Variants in ASIC2 observed in about 807,000 individuals in gnomAD.
ASIC2 encodes acid sensing ion channel subunit 2, also known as acid-sensing ion channel 2.
Under a neutral mutation model 57.3 loss-of-function variants are expected in ASIC2, and 25 were observed. The observed-to-expected ratio is 0.44, with a 90% CI of 0.32 to 0.61. The LOEUF (loss-of-function observed/expected upper bound fraction) is 0.61. ASIC2 is among the 20% of genes least tolerant of loss of function. ASIC2 has a pLI of 0.06. For missense variants in ASIC2, 641 were observed against 738.1 expected, an observed-to-expected ratio of 0.87 and a Z score of 1.52; for synonymous variants, 319 against 307.5, an observed-to-expected ratio of 1.04 and a Z score of -0.39.
At chr17:34,039,543 G>T in intron 1 of ASIC2, 2 of 1,613,926 alleles carry the variant, frequency 1.2e-6, no homozygotes, top group Non-Finnish European at 1.7e-6. Flanking sequence ...GTTGCAGTGA[G>T]GATCGTGCAA....
At chr17:34,141,303 C>T (rs535456396) in intron 1 of ASIC2, among the ~76,000 whole-genome samples, 21 of 152,102 alleles carry the variant, frequency 1.4e-4, no homozygotes, top group South Asian at 4.1e-4. Flanking sequence ...CTTAGTGGAC[C>T]ACTGTTGAAC....
intron 1 of ASIC2, among the ~76,000 whole-genome samples, chr17:33,236,364 GA>G (rs1283597071): frequency 1.3e-5 from 2 of 151,378 alleles, no homozygotes; most frequent in Non-Finnish European, 2.9e-5. Flanking sequence ...ATTTTTTTTG[GA>G]ATAGCATCTT....
chr17:33,746,749 T>C (rs1254492238), intron 1 of ASIC2, among the ~76,000 whole-genome samples: 2 of 152,124 alleles, frequency 1.3e-5, no homozygotes, highest in African/African-American at 4.8e-5. Context: ...TACCGAGTAC[T>C]CAATTACAGC....
At chr17:33,562,346 C>G (rs544852555) in intron 1 of ASIC2, among the ~76,000 whole-genome samples, 42 of 152,240 alleles carry the variant, frequency 2.8e-4, no homozygotes, top group African/African-American at 8.9e-4. Context: ...CTAGTGTACG[C>G]TAGGTGCTTA....
intron 1 of ASIC2, among the ~76,000 whole-genome samples, chr17:33,218,039 T>C (rs1907560038): frequency 6.6e-6 from 1 of 152,254 alleles, no homozygotes; most frequent in South Asian, 2.1e-4. Flanking sequence ...TATGGTAATT[T>C]CTGCAGCAAA....
rs183580998 is a variant in ASIC2 at position 33,378,197 on chromosome 17, C to T, written c.556-266130G>A. ...TCACTTTCTAAATTTTGAATGATAG[C>T]TTCATCAGAGATTGTTGTGATCATA... On this transcript the variant is annotated intron_variant, in intron 1 of 9. Coordinates refer to the ASIC2 transcript ENST00000359872. Among the ~76,000 whole-genome samples, 4 of 152,348 alleles carry T rather than the reference C, an allele frequency of 2.6e-5. No homozygotes were observed. In the East Asian group the frequency reaches 5.8e-4, roughly 22 times the overall value.
At chr17:33,870,094 T>G (rs1471938991) in intron 1 of ASIC2, among the ~76,000 whole-genome samples, 1 of 152,082 alleles carries the variant, frequency 6.6e-6, no homozygotes, top group Non-Finnish European at 1.5e-5. Context: ...TAAAGACAGT[T>G]GCCAAACACA....
At chr17:33,176,614 G>C (rs1274156992) in intron 1 of ASIC2, among the ~76,000 whole-genome samples, 3 of 152,190 alleles carry the variant, frequency 2.0e-5, no homozygotes, top group Non-Finnish European at 4.4e-5. Context: ...CAAAGTGCAG[G>C]GATTACAGGC....
chr17:33,513,296 A>T (rs971491304), intron 1 of ASIC2, among the ~76,000 whole-genome samples: 2 of 152,210 alleles, frequency 1.3e-5, no homozygotes, highest in Non-Finnish European at 2.9e-5. Flanking sequence ...TTGACTACTT[A>T]GTGCAATTAT....
chr17:34,055,211 A>G (rs1221037432), intron 1 of ASIC2, among the ~76,000 whole-genome samples: 2 of 152,234 alleles, frequency 1.3e-5, no homozygotes, highest in Non-Finnish European at 2.9e-5. Flanking sequence ...TTAAGCCACG[A>G]AGAGACACGA....
intron 1 of ASIC2, among the ~76,000 whole-genome samples, chr17:33,814,049 T>C (rs11656283): frequency 0.69 from 104,355 of 151,848 alleles, 36,213 homozygotes; most frequent in Non-Finnish European, 0.72. Flanking sequence ...GCAGGGGGAC[T>C]GTGGCTGGCA....
intron 1 of ASIC2, among the ~76,000 whole-genome samples, chr17:33,898,651 A>T (rs1915163508): frequency 6.6e-6 from 1 of 152,148 alleles, no homozygotes; most frequent in Non-Finnish European, 1.5e-5. Flanking sequence ...TTATTTTTCC[A>T]CTAGTGTCCT....
intron 1 of ASIC2, among the ~76,000 whole-genome samples, chr17:33,822,336 G>A (rs1912769061): frequency 6.6e-6 from 1 of 152,178 alleles, no homozygotes. Context: ...TTTCTGGCTT[G>A]TTTCCTTGCC....
At chr17:33,894,637 T>A (rs1478018019) in intron 1 of ASIC2, among the ~76,000 whole-genome samples, 1 of 152,140 alleles carries the variant, frequency 6.6e-6, no homozygotes, top group Non-Finnish European at 1.5e-5. Context: ...GGCCTCAGTA[T>A]CCTCACCTGC....
chr17:34,026,481 C>T (rs193023320), intron 1 of ASIC2, among the ~76,000 whole-genome samples: 81 of 152,246 alleles, frequency 5.3e-4, no homozygotes, highest in Non-Finnish European at 1.0e-3. Flanking sequence ...TGCACCATAA[C>T]CTGGGGAGAC....
chr17:33,190,845 G>C (rs543668094), intron 1 of ASIC2, among the ~76,000 whole-genome samples: 1 of 152,310 alleles, frequency 6.6e-6, no homozygotes, highest in African/African-American at 2.4e-5. Context: ...GGAAGATGCA[G>C]AGCATTTAGA....
At chr17:33,969,656 G>A (rs537833479) in intron 1 of ASIC2, among the ~76,000 whole-genome samples, 69 of 152,168 alleles carry the variant, frequency 4.5e-4, no homozygotes, top group Non-Finnish European at 8.7e-4. Flanking sequence ...TGTCTCACCC[G>A]AGGGACGGGA....
intron 1 of ASIC2, among the ~76,000 whole-genome samples, chr17:33,443,130 T>C (rs186360133): frequency 1.7e-4 from 26 of 152,366 alleles, no homozygotes; most frequent in African/African-American, 6.0e-4. Context: ...CAGTATATAA[T>C]CCTTCTTATA....
intron 1 of ASIC2, among the ~76,000 whole-genome samples, chr17:33,949,845 A>G (rs1904501981): frequency 6.6e-6 from 1 of 152,206 alleles, no homozygotes; most frequent in Non-Finnish European, 1.5e-5. Context: ...AGGATTAATT[A>G]TTATTTTATT....
Sources: allele counts gnomAD v4.1 joint callset (sites outside exome capture counted in the v4.1 genomes callset), GRCh38; gene constraint gnomAD v4.1.1; transcripts MANE v1.5; gene names NCBI Gene and HGNC (gene_info 2026-07-23, HGNC 2026-07-21).